The following CNTN3 variants were observed in gnomAD, a reference collection of about 807,000 sequenced individuals.
CNTN3 encodes contactin-3.
A neutral mutation model predicts 119.1 loss-of-function variants in CNTN3; 60 were observed. The observed-to-expected ratio is 0.50, with a 90% CI of 0.41 to 0.62. The LOEUF is 0.62. Among genes scored for constraint, CNTN3 ranks in the 20% least tolerant of loss-of-function variants. CNTN3 has a pLI of 0.00. For missense variants in CNTN3, 1,101 were observed against 1,242.4 expected (o/e 0.89, Z 1.71); for synonymous variants, 450 against 438.7 (o/e 1.03, Z -0.32).
rs1438145231 is a variant in CNTN3, at chr3:74,377,687, T to A, written c.455-6288A>T. 2.0e-5 allele frequency among the ~76,000 whole-genome samples: 3 copies of A among 152,352 alleles called. No homozygotes were observed. In the East Asian group the frequency reaches 5.8e-4, roughly 29 times the overall value. ...TGAATACTAGGAATATGAATTTTTTTAATTCAAAAGTCAAAAAGTTTTGCC... is the reference window on the plus strand; with the variant it reads ...TGAATACTAGGAATATGAATTTTTTAAATTCAAAAGTCAAAAAGTTTTGCC... On this transcript the variant is annotated intron_variant, in intron 5 of 22. Transcript: ENST00000263665.
chr3:74,271,005 G>A (rs759426099), intron 20 of CNTN3, among the ~76,000 whole-genome samples: 1 of 152,082 alleles, frequency 6.6e-6, no homozygotes, highest in East Asian at 1.9e-4. Flanking sequence ...ACTTTCTCTC[G>A]AGAGGTTTTT....
At chr3:74,476,596 G>A (rs1434315495) in intron 4 of CNTN3, among the ~76,000 whole-genome samples, 1 of 152,098 alleles carries the variant, frequency 6.6e-6, no homozygotes, top group Non-Finnish European at 1.5e-5. Flanking sequence ...GTTAGCATTT[G>A]CAATATTCTG....
chr3:74,364,260 TG>T (rs1161930101), intron 10 of CNTN3, among the ~76,000 whole-genome samples: 4 of 152,120 alleles, frequency 2.6e-5, no homozygotes, highest in African/African-American at 9.7e-5. Flanking sequence ...ACTTAACCCT[TG>T]GTCCTCAATT....
intron 1 of CNTN3, among the ~76,000 whole-genome samples, chr3:74,603,316 C>T (rs1182533671): frequency 6.6e-6 from 1 of 152,094 alleles, no homozygotes; most frequent in Non-Finnish European, 1.5e-5. Flanking sequence ...AGCTGATATT[C>T]CAGTCAGGTG....
At chr3:74,502,988 T>A (rs138207443) in intron 2 of CNTN3, among the ~76,000 whole-genome samples, 188 of 152,302 alleles carry the variant, frequency 1.2e-3, no homozygotes, top group African/African-American at 4.3e-3. Flanking sequence ...AATGAAACAA[T>A]CCTCATAATA....
At chr3:74,549,149 C>T (rs1474529968) in intron 1 of CNTN3, among the ~76,000 whole-genome samples, 1 of 152,084 alleles carries the variant, frequency 6.6e-6, no homozygotes. Flanking sequence ...GGGGTGGTTT[C>T]CAATGGTTTA....
intron 4 of CNTN3, among the ~76,000 whole-genome samples, chr3:74,432,266 G>T (rs1364671594): frequency 6.6e-6 from 1 of 151,998 alleles, no homozygotes; most frequent in Admixed American, 6.6e-5. Flanking sequence ...TTCAGTTATG[G>T]TTTTCACCCT....
chr3:74,458,537 C>A (rs1371577812), intron 4 of CNTN3, among the ~76,000 whole-genome samples: 1 of 152,010 alleles, frequency 6.6e-6, no homozygotes, highest in Non-Finnish European at 1.5e-5. Flanking sequence ...TTCCATAGTA[C>A]AAAGGCAGAA....
intron 1 of CNTN3, among the ~76,000 whole-genome samples, chr3:74,603,758 A>G (rs1454235980): frequency 5.3e-5 from 8 of 152,134 alleles, no homozygotes; most frequent in African/African-American, 1.9e-4. Context: ...CAATCTACAG[A>G]TTCAGTGCAA....
At chr3:74,443,421 T>C (rs2106932404) in intron 4 of CNTN3, among the ~76,000 whole-genome samples, 1 of 152,328 alleles carries the variant, frequency 6.6e-6, no homozygotes, top group Non-Finnish European at 1.5e-5. Context: ...GTCTACCAAC[T>C]GTGGCCAGAT....
intron 1 of CNTN3, among the ~76,000 whole-genome samples, chr3:74,611,950 A>G (rs1476734787): frequency 1.3e-5 from 2 of 152,196 alleles, no homozygotes; most frequent in African/African-American, 4.8e-5. Context: ...AATTAACATT[A>G]GTTTTACTGC....
chr3:74,410,614 G>A (rs1443557977), intron 5 of CNTN3, among the ~76,000 whole-genome samples: 1 of 152,140 alleles, frequency 6.6e-6, no homozygotes, highest in African/African-American at 2.4e-5. Context: ...CATGTCTCAA[G>A]TGGAAACAGA....
intron 2 of CNTN3, among the ~76,000 whole-genome samples, chr3:74,514,765 T>C (rs1703423630): frequency 6.6e-6 from 1 of 152,082 alleles, no homozygotes; most frequent in African/African-American, 2.4e-5. Context: ...CAGAGTTCTT[T>C]CACTATGCAT....
intron 1 of CNTN3, among the ~76,000 whole-genome samples, chr3:74,606,882 C>A (rs953927408): frequency 1.3e-5 from 2 of 152,106 alleles, no homozygotes; most frequent in African/African-American, 4.8e-5. Flanking sequence ...AGGGCAACTG[C>A]TGCTTAACAC....
At chr3:74,407,492 CA>C (rs1701354077) in intron 5 of CNTN3, among the ~76,000 whole-genome samples, 1 of 149,764 alleles carries the variant, frequency 6.7e-6, no homozygotes, top group Non-Finnish European at 1.5e-5. Context: ...AGGCTGGTCT[CA>C]AACTCCTGAC....
At chr3:74,549,844 CTCGCAAGTTCCAATGAGAGAA>C (rs1703964455) in intron 1 of CNTN3, among the ~76,000 whole-genome samples, 1 of 152,196 alleles carries the variant, frequency 6.6e-6, no homozygotes, top group Non-Finnish European at 1.5e-5. Context: ...TGTAGAGTTT[CTCGCAAGTTCCAATGAGAGAA>C]TCACAGCATA....
intron 3 of CNTN3, among the ~76,000 whole-genome samples, chr3:74,492,922 C>A (rs1702993704): frequency 6.6e-6 from 1 of 152,118 alleles, no homozygotes. Context: ...TTTCTACCAT[C>A]AGGCATCATA....
At chr3:74,315,672 C>T (rs922021866) in intron 13 of CNTN3, among the ~76,000 whole-genome samples, 4 of 152,170 alleles carry the variant, frequency 2.6e-5, no homozygotes, top group African/African-American at 4.8e-5. Context: ...TTAAATTACA[C>T]TCTTCTAAAT....
At chr3:74,485,126 C>T (rs1314488128) in intron 4 of CNTN3, among the ~76,000 whole-genome samples, 2 of 151,502 alleles carry the variant, frequency 1.3e-5, no homozygotes, top group African/African-American at 4.9e-5. Flanking sequence ...TATATTTATA[C>T]ATATCCAAAC....
Sources: allele counts gnomAD v4.1 joint callset (sites outside exome capture counted in the v4.1 genomes callset), GRCh38; gene constraint gnomAD v4.1.1; transcripts MANE v1.5; gene names NCBI Gene and HGNC (gene_info 2026-07-23, HGNC 2026-07-21).